The following CDH13 variants were observed in gnomAD, a reference collection of about 807,000 sequenced individuals.
The protein encoded by CDH13 is cadherin-13.
A neutral mutation model predicts 63.8 loss-of-function variants in CDH13; 24 were observed. That is an observed-to-expected ratio of 0.38 (90% CI 0.27 to 0.53). The LOEUF is 0.53. Ranked by LOEUF, CDH13 falls within the 20% of genes least tolerant of loss-of-function variation. The probability of loss-of-function intolerance (pLI) is 0.85; values close to 1 mark genes in which losing one functional copy is unlikely to be tolerated. For missense variants in CDH13, 1,049 were observed against 903.1 expected (o/e 1.16, Z -2.07); for synonymous variants, 503 against 355.3 (o/e 1.42, Z -4.67).
chr16:83,342,871 T>C (rs1472450167), intron 5 of CDH13, among the ~76,000 whole-genome samples: 1 of 131,614 alleles, frequency 7.6e-6, no homozygotes, highest in East Asian at 2.2e-4. Context: ...TTTTTTTGGT[T>C]GAGTTAAAGT....
intron 9 of CDH13, among the ~76,000 whole-genome samples, chr16:83,673,857 G>A (rs992851689): frequency 3.9e-5 from 6 of 152,170 alleles, no homozygotes; most frequent in Admixed American, 2.6e-4. Flanking sequence ...CAGCTTGTCC[G>A]CCCTCCCTGC....
chr16:83,289,211 G>T (rs2151863776), intron 5 of CDH13, among the ~76,000 whole-genome samples: 1 of 152,332 alleles, frequency 6.6e-6, no homozygotes, highest in African/African-American at 2.4e-5. Flanking sequence ...TGGTTGTCAG[G>T]AAATGAACAG....
chr16:83,074,021 T>C (rs1459203056), intron 3 of CDH13, among the ~76,000 whole-genome samples: 1 of 152,166 alleles, frequency 6.6e-6, no homozygotes, highest in Non-Finnish European at 1.5e-5. Flanking sequence ...TCTAGCTATT[T>C]TGAGATGTAC....
At chr16:83,118,997 C>T (rs995589346) in intron 3 of CDH13, among the ~76,000 whole-genome samples, 3 of 152,190 alleles carry the variant, frequency 2.0e-5, no homozygotes, top group African/African-American at 7.2e-5. Context: ...CCATAGCTCT[C>T]CTTTTCTTCT....
intron 10 of CDH13, among the ~76,000 whole-genome samples, chr16:83,732,146 G>A (rs942447170): frequency 7.2e-5 from 11 of 152,326 alleles, no homozygotes; most frequent in African/African-American, 2.2e-4. Flanking sequence ...TGGGAAGACC[G>A]GCAATGAACA....
intron 2 of CDH13, among the ~76,000 whole-genome samples, chr16:82,917,825 G>C (rs1227710761): frequency 6.7e-6 from 1 of 149,404 alleles, no homozygotes; most frequent in African/African-American, 2.5e-5. Context: ...TGAGGCGGGA[G>C]AATTGCTTGA....
chr16:82,868,092 C>T (rs150199772), intron 2 of CDH13, among the ~76,000 whole-genome samples: 41 of 152,252 alleles, frequency 2.7e-4, no homozygotes, highest in Middle Eastern at 3.4e-3. Context: ...GGTTATGTAA[C>T]GTCCCCTGAA....
chr16:82,769,994 C>T (rs2035201110), intron 1 of CDH13, among the ~76,000 whole-genome samples: 1 of 152,160 alleles, frequency 6.6e-6, no homozygotes, highest in Non-Finnish European at 1.5e-5. Flanking sequence ...TTCTAGATTT[C>T]CCTGTTCTTG....
intron 2 of CDH13, among the ~76,000 whole-genome samples, chr16:83,002,271 G>C (rs1259766167): frequency 1.3e-5 from 2 of 152,226 alleles, no homozygotes; most frequent in African/African-American, 2.4e-5. Context: ...GAGACACACA[G>C]AGGAACAACA....
At chr16:83,033,505 C>T (rs567245841) in intron 3 of CDH13, among the ~76,000 whole-genome samples, 11 of 152,064 alleles carry the variant, frequency 7.2e-5, no homozygotes, top group South Asian at 2.1e-4. Flanking sequence ...ACTATATATG[C>T]GCATATACTG....
chr16:83,081,009 G>C (rs1343887974), intron 3 of CDH13, among the ~76,000 whole-genome samples: 1 of 148,640 alleles, frequency 6.7e-6, no homozygotes, highest in Non-Finnish European at 1.5e-5. Flanking sequence ...AGCCTCCCGA[G>C]TAACTGGGAC....
At chr16:83,360,035 G>T (rs1373176192) in intron 6 of CDH13, among the ~76,000 whole-genome samples, 3 of 152,232 alleles carry the variant, frequency 2.0e-5, no homozygotes, top group African/African-American at 7.2e-5. Context: ...CATAGTACGT[G>T]ATCCTTTCTG....
chr16:83,405,642 A>T (rs1231591746), intron 6 of CDH13, among the ~76,000 whole-genome samples: 1 of 152,230 alleles, frequency 6.6e-6, no homozygotes, highest in Non-Finnish European at 1.5e-5. Context: ...AATCTGTGAT[A>T]ATCTGTTACA....
chr16:83,114,391 C>CCCGTATGGGGGTGCT (rs1217101319), intron 3 of CDH13, among the ~76,000 whole-genome samples: 2 of 152,132 alleles, frequency 1.3e-5, no homozygotes, highest in African/African-American at 4.8e-5. Context: ...ACCCATTTCT[C>CCCGTATGGGGGTGCT]CCGTATGGGG....
chr16:83,379,938 T>TATATATATATATAGAGAGAGAGAGAG, intron 6 of CDH13, among the ~76,000 whole-genome samples: 205 of 123,408 alleles, frequency 1.7e-3, no homozygotes, highest in South Asian at 5.0e-3. Flanking sequence ...TATATATATA[T>TATATATATATATAGAGAGAGAGAGAG]AGAGAGAGAG....
chr16:83,005,425 C>G (rs1032789509), intron 2 of CDH13, among the ~76,000 whole-genome samples: 3 of 152,184 alleles, frequency 2.0e-5, no homozygotes, highest in African/African-American at 7.2e-5. Flanking sequence ...GTAGGCTTAG[C>G]TGCAGGCACG....
rs142296893 is a variant in CDH13 at position 83,345,247 on chromosome 16, A to T, written c.781+241A>T. Reference sequence around the variant, plus strand: ...AGATCATCCTCCAAGGATGACTGCCATCTAAGTCTCTAAGGCATGGCCGAT... The same window carrying T: ...AGATCATCCTCCAAGGATGACTGCCTTCTAAGTCTCTAAGGCATGGCCGAT... On this transcript the variant is annotated intron_variant, in intron 6 of 13. Coordinates refer to ENST00000567109, the MANE Select transcript of CDH13 (RefSeq NM_001257.5). Among the ~76,000 whole-genome samples, 62 of 152,336 alleles carry T rather than the reference A, an allele frequency of 4.1e-4. 2 individuals carry two copies. Among genetic ancestry groups the T allele is most frequent in the African/African-American group, 1.4e-3 (58 of 41,594 alleles).
At chr16:83,038,991 T>C (rs1917105736) in intron 3 of CDH13, among the ~76,000 whole-genome samples, 1 of 152,202 alleles carries the variant, frequency 6.6e-6, no homozygotes, top group Admixed American at 6.5e-5. Flanking sequence ...GAACTAAAGA[T>C]ACTGTACCTC....
chr16:82,665,766 C>A (rs1311150297), intron 1 of CDH13, among the ~76,000 whole-genome samples: 1 of 152,038 alleles, frequency 6.6e-6, no homozygotes, highest in African/African-American at 2.4e-5. Flanking sequence ...ATTGGACCTA[C>A]TGAACAGCAA....
Sources: gnomAD v4.1 joint callset for allele counts (sites outside exome capture counted in the v4.1 genomes callset) on GRCh38, gnomAD v4.1.1 for gene constraint, MANE v1.5 for transcripts, NCBI Gene and HGNC (gene_info 2026-07-23, HGNC 2026-07-21) for gene names.